ACER3: variants seen among roughly 807,000 people sequenced by gnomAD.
ACER3 encodes alkCDase 3.
A neutral mutation model predicts 48.9 loss-of-function variants in ACER3; 16 were observed. That is an observed-to-expected ratio of 0.33 (90% CI 0.22 to 0.50). The LOEUF is 0.50. Among genes scored for constraint, ACER3 ranks in the 20% least tolerant of loss-of-function variants. ACER3 has a pLI of 0.98. For synonymous variants in ACER3, 109 were observed against 107.8 expected (o/e 1.01, Z -0.07); for missense variants, 227 against 326.0 (o/e 0.70, Z 2.34).
At chr11:76,936,778 T>C (rs1230414067) in intron 2 of ACER3, among the ~76,000 whole-genome samples, 1 of 151,484 alleles carries the variant, frequency 6.6e-6, no homozygotes, top group Non-Finnish European at 1.5e-5. Context: ...AGTGCAGTGG[T>C]GCAATATTTG....
At chr11:77,008,651 G>C (rs781856383) in intron 7 of ACER3, among the ~76,000 whole-genome samples, 30 of 152,146 alleles carry the variant, frequency 2.0e-4, no homozygotes, top group Non-Finnish European at 2.9e-4. Context: ...TAAAACTTTT[G>C]TTACTTTTGT....
At chr11:77,002,617 A>C (rs1417172428) in intron 7 of ACER3, among the ~76,000 whole-genome samples, 1 of 152,216 alleles carries the variant, frequency 6.6e-6, no homozygotes, top group Admixed American at 6.5e-5. Context: ...TCATTAAATG[A>C]TTTGGGAAAT....
Position 76,928,664 on chromosome 11 carries a change from C to T in ACER3, c.214+1997C>T, listed in dbSNP as rs185831059. 6.3e-3 allele frequency among the ~76,000 whole-genome samples: 960 copies of T among 152,274 alleles called. 8 individuals are homozygous for T. The highest frequency in any genetic ancestry group is 9.7e-3 in the Non-Finnish European group (657 of 68,020). ...AAGGTGTAAGGAAGGGATCCAGTTT[C>T]AGCTTTCTACATATGGCTAGCCAGT... On this transcript the variant is annotated intron_variant, in intron 2 of 10. Transcript: ENST00000532485.
intron 3 of ACER3, among the ~76,000 whole-genome samples, chr11:76,973,185 C>T (rs536382251): frequency 6.6e-6 from 1 of 152,318 alleles, no homozygotes; most frequent in South Asian, 2.1e-4. Flanking sequence ...CTGAAGTTGA[C>T]CCCTTGATTT....
At chr11:76,933,086 G>T (rs1195080075) in intron 2 of ACER3, among the ~76,000 whole-genome samples, 1 of 150,680 alleles carries the variant, frequency 6.6e-6, no homozygotes, top group Non-Finnish European at 1.5e-5. Flanking sequence ...GAACATTAAG[G>T]GGAATTAAGA....
intron 6 of ACER3, among the ~76,000 whole-genome samples, chr11:76,991,371 C>T (rs1418370886): frequency 6.6e-6 from 1 of 152,196 alleles, no homozygotes; most frequent in East Asian, 1.9e-4. Context: ...TAAACATTTA[C>T]TAATGTTCTT....
intron 1 of ACER3, among the ~76,000 whole-genome samples, chr11:76,903,859 A>G (rs1946147124): frequency 6.6e-6 from 1 of 152,096 alleles, no homozygotes; most frequent in Non-Finnish European, 1.5e-5. Context: ...GATCCAGGAG[A>G]GTGTGACATC....
intron 3 of ACER3, among the ~76,000 whole-genome samples, chr11:76,970,654 T>G (rs1052860772): frequency 6.6e-6 from 1 of 152,176 alleles, no homozygotes; most frequent in South Asian, 2.1e-4. Context: ...ATTTTGTTGG[T>G]AGTATTGTGG....
intron 1 of ACER3, among the ~76,000 whole-genome samples, chr11:76,875,732 G>GTTTTTTTTTTTTTTTTTTTTTT (rs71040037): frequency 4.5e-5 from 3 of 67,070 alleles, no homozygotes; most frequent in African/African-American, 5.6e-5. Context: ...AGTTTTTGTT[G>GTTTTTTTTTTTTTTTTTTTTTT]TTTTTTTTTT....
chr11:76,907,672 C>T (rs754847677), intron 1 of ACER3, among the ~76,000 whole-genome samples: 2 of 151,586 alleles, frequency 1.3e-5, no homozygotes. Flanking sequence ...GAGTTCAAGA[C>T]TAGCCTGGCC....
At chr11:76,934,414 A>G (rs577779215) in intron 2 of ACER3, among the ~76,000 whole-genome samples, 5 of 152,330 alleles carry the variant, frequency 3.3e-5, no homozygotes, top group African/African-American at 9.6e-5. Context: ...CACTGAGTGA[A>G]CGAGACTCCG....
intron 1 of ACER3, among the ~76,000 whole-genome samples, chr11:76,920,764 G>A (rs906537906): frequency 6.6e-6 from 1 of 151,710 alleles, no homozygotes; most frequent in South Asian, 2.1e-4. Context: ...AGCCTTCTGA[G>A]CAGCTAAGAC....
chr11:76,872,444 AC>A (rs1380922113), intron 1 of ACER3, among the ~76,000 whole-genome samples: 1 of 151,864 alleles, frequency 6.6e-6, no homozygotes, highest in Non-Finnish European at 1.5e-5. Context: ...CTCCCTTACC[AC>A]TTTTTTAGAC....
chr11:76,967,122 G>T (rs1948159373), intron 3 of ACER3, among the ~76,000 whole-genome samples: 1 of 151,642 alleles, frequency 6.6e-6, no homozygotes, highest in East Asian at 1.9e-4. Context: ...ATGATAAAGG[G>T]GATATCACCA....
intron 7 of ACER3, among the ~76,000 whole-genome samples, chr11:77,002,049 T>G (rs547658290): frequency 6.6e-6 from 1 of 152,140 alleles, no homozygotes; most frequent in Non-Finnish European, 1.5e-5. Context: ...GATTTCTCTG[T>G]GTGTTTGTGT....
chr11:76,899,453 T>C (rs1946024665), intron 1 of ACER3, among the ~76,000 whole-genome samples: 1 of 152,242 alleles, frequency 6.6e-6, no homozygotes, highest in Non-Finnish European at 1.5e-5. Context: ...ACATATCCTT[T>C]CATCATCGAA....
chr11:77,020,352 A>G lies in ACER3; in HGVS notation c.*25A>G, dbSNP rs75049780. The G allele has an allele frequency of 8.7e-6, 14 of 1,610,558 alleles. No homozygotes were observed. In the African/African-American group the frequency reaches 1.6e-4, roughly 18 times the overall value. On this transcript the variant is annotated 3_prime_UTR_variant, in exon 11 of 11. Transcript: ENST00000532485. ...ATGAATCATTCCACCAAGAAAACAAACAAGCACCTACCATAGACCTGGCAG... is the reference window on the plus strand; with the variant it reads ...ATGAATCATTCCACCAAGAAAACAAGCAAGCACCTACCATAGACCTGGCAG...
chr11:76,871,602 A>G (rs1945242157), intron 1 of ACER3, among the ~76,000 whole-genome samples: 4 of 152,222 alleles, frequency 2.6e-5, no homozygotes, highest in Admixed American at 2.0e-4. Flanking sequence ...GGGTTTTTAG[A>G]GACCAAGGTT....
At position 76,944,108 on chromosome 11, in the gene ACER3, T is replaced by C. The variant is rs529940724; in HGVS notation, c.215-14871T>C. Among the ~76,000 whole-genome samples the C allele has an allele frequency of 2.6e-5, 4 of 152,156 alleles. No individual in the cohort carries two copies. The South Asian group carries it at 8.3e-4, about 32-fold the overall frequency. ...CTGGATCATGCTTTCTAAAATCCAT[T>C]CTGTCAATCTATATATTTTAAGTGG... On this transcript the variant is annotated intron_variant, in intron 2 of 10. Transcript: ENST00000532485.
Sources: allele counts gnomAD v4.1 joint callset (sites outside exome capture counted in the v4.1 genomes callset), GRCh38; gene constraint gnomAD v4.1.1; transcripts MANE v1.5; gene names NCBI Gene and HGNC (gene_info 2026-07-23, HGNC 2026-07-21).